The following FCSK variants were observed in gnomAD, a reference collection of about 807,000 sequenced individuals.
The protein encoded by FCSK is L-fucose kinase.
FCSK carries 123 observed loss-of-function variants against 122.5 expected under a neutral mutation model. That is an observed-to-expected ratio of 1.00 (90% CI 0.87 to 1.17). The LOEUF is 1.17. Among genes scored for constraint, FCSK ranks in the 50% most tolerant of loss-of-function variants. The pLI is 0.00. For synonymous variants in FCSK, 620 were observed against 625.5 expected, an observed-to-expected ratio of 0.99 and a Z score of 0.13; for missense variants, 1,366 against 1,450.4, an observed-to-expected ratio of 0.94 and a Z score of 0.95.
rs2048026498 is a variant in FCSK, at chr16:70,454,621, G to A, written c.-32G>A. 6.6e-6 allele frequency: 1 copy of A among 152,096 alleles called. No individual in the cohort carries two copies. Among genetic ancestry groups the A allele is most frequent in the Non-Finnish European group, 1.5e-5 (1 of 68,032 alleles). The allele number at this position is 152,096 out of a possible 1,614,324, so 9.4% of individuals were successfully genotyped here. ...AAGAGCCCGCTCCGCCGAGCGCCGG[G>A]CGACGGCAGGTACGTCAGTCCGCGA... On this transcript the variant is annotated 5_prime_UTR_variant, in exon 1 of 24. Coordinates refer to ENST00000288078, the MANE Select transcript of FCSK (RefSeq NM_145059.3).
chr16:70,474,337 C>G lies in FCSK; in HGVS notation c.1986C>G (p.Ser662Arg). The change falls in exon 16 of 24, where the codon AGC becomes AGG. Residue 662 changes from serine to arginine, a missense_variant and splice_region_variant. Transcript: ENST00000288078. ...ALAQERDKWL[S>R]RPALLVRAAR... is the part of the protein sequence containing the mutation. ...CCCAGGAGAGGGACAAGTGGCTAAGCAGGTGTGTACTAATGGAGGTCAGAT... is the reference window on the plus strand; with the variant it reads ...CCCAGGAGAGGGACAAGTGGCTAAGGAGGTGTGTACTAATGGAGGTCAGAT... 1 of 1,612,912 alleles carries G rather than the reference C, an allele frequency of 6.2e-7. No homozygotes were observed. The highest frequency in any genetic ancestry group is 8.5e-7 in the Non-Finnish European group (1 of 1,179,748).
Position 70,475,475 on chromosome 16 carries a change from C to G in FCSK, c.2503C>G (p.Pro835Ala). 1 of 1,604,288 alleles carries G rather than the reference C, an allele frequency of 6.2e-7. No individual in the cohort carries two copies. The highest frequency in any genetic ancestry group is 8.5e-7 in the Non-Finnish European group (1 of 1,178,854). The change falls in exon 19 of 24, where the codon CCC (proline) becomes GCC (alanine). Residue 835 changes from proline to alanine, a missense_variant. Coordinates refer to ENST00000288078, the MANE Select transcript of FCSK (RefSeq NM_145059.3). Reference sequence around the variant, plus strand: ...TGAGCTGCACACCTGGTCTGAGCTGCCCCACGGCTCTGGCCTGGGTGAGCG... The same window carrying G: ...TGAGCTGCACACCTGGTCTGAGCTGGCCCACGGCTCTGGCCTGGGTGAGCG... Reference protein sequence around the residue: ...GFELHTWSELPHGSGLGTSSI... With the variant: ...GFELHTWSELAHGSGLGTSSI...
intron 16 of FCSK, 41 bp from the exon 17 acceptor site, chr16:70,474,487 T>C (rs1240469329): frequency 6.5e-7 from 1 of 1,546,588 alleles, no homozygotes. Flanking sequence ...TGCCCCCAGC[T>C]TGGGGCTGCA....
rs2151706346 is a variant in FCSK, at chr16:70,463,725, A to G, written c.185A>G (p.Asn62Ser). 3 of 1,612,526 alleles carry G rather than the reference A, an allele frequency of 1.9e-6. No individual in the cohort carries two copies. Among genetic ancestry groups the G allele is most frequent in the East Asian group, 4.5e-5 (2 of 44,866 alleles). ...KRVGSGGATL[N>S]ALLVAAEHLS... ...GTGGGCAGCGGAGGAGCCACCCTCA[A>G]CGCCCTGCTGGTGGCTGCTGAACAC... The change falls in exon 3 of 24, where the codon AAC becomes AGC. Residue 62 changes from asparagine to serine, a missense_variant. Asn to Ser is a conservative substitution (Grantham distance 46). Transcript: ENST00000288078.
At position 70,471,299 on chromosome 16, in the gene FCSK, C is replaced by T; in HGVS notation, c.1288C>T (p.His430Tyr). ...CCTGCAGGGACACCACACGCGGCTACACGGCTCCCCGGGCCACGCCTTCAC... is the reference window on the plus strand; with the variant it reads ...CCTGCAGGGACACCACACGCGGCTATACGGCTCCCCGGGCCACGCCTTCAC... ...LVLQGHHTRL[H>Y]GSPGHAFTLV... Residue 430 changes from histidine to tyrosine, a missense_variant, in exon 13 of 24, where the codon CAC (histidine) becomes TAC (tyrosine). Transcript: ENST00000288078. 1 of 1,603,938 alleles carries T rather than the reference C, an allele frequency of 6.2e-7. No homozygotes were observed. Among genetic ancestry groups the T allele is most frequent in the Non-Finnish European group, 8.5e-7 (1 of 1,175,846 alleles).
chr16:70,458,294 G>T (rs1254537027), intron 1 of FCSK, among the ~76,000 whole-genome samples: 2 of 151,026 alleles, frequency 1.3e-5, no homozygotes, highest in Non-Finnish European at 2.9e-5. Context: ...TGAGTAGCTG[G>T]GATTACAGGC....
intron 20 of FCSK, 157 bp downstream of exon 20, chr16:70,475,924 T>A: frequency 1.3e-6 from 1 of 768,988 alleles, no homozygotes; most frequent in Non-Finnish European, 1.9e-6. Flanking sequence ...TGACCTTCTC[T>A]GGTCGTTTTC....
intron 1 of FCSK, 51 bp downstream of exon 1, chr16:70,454,681 C>CT (rs1567687702): frequency 2.6e-5 from 4 of 152,168 alleles, no homozygotes; most frequent in African/African-American, 9.7e-5. Context: ...CCCTTGCGCC[C>CT]CTTGCGCCCC....
chr16:70,474,238 T>G lies in FCSK; in HGVS notation c.1887T>G (p.Ala629=), dbSNP rs925942661. Residue 629 remains alanine, a synonymous_variant, in exon 16 of 24, where the codon GCT becomes GCG. Transcript: ENST00000288078. ...GTGGGGGCTTGCGGAGCGGGCCAGC[T>G]GCCAACCCTGAGTGGATGCGGCCCT... ...EGRGGLRSGP[A]ANPEWMRPFS... 9 of 1,609,162 alleles carry G rather than the reference T, an allele frequency of 5.6e-6. No individual in the cohort carries two copies. Among genetic ancestry groups the G allele is most frequent in the Non-Finnish European group, 7.6e-6 (9 of 1,178,488 alleles).
At chr16:70,474,412 A>G (rs2151725852) in intron 16 of FCSK, 73 bp downstream of exon 16, 4 of 1,563,036 alleles carry the variant, frequency 2.6e-6, no homozygotes, top group South Asian at 1.2e-5. Flanking sequence ...GATGGAGGAA[A>G]CCCAGAGAGA....
chr16:70,466,994 A>G, intron 6 of FCSK, 40 bp downstream of exon 6: 1 of 1,585,026 alleles, frequency 6.3e-7, no homozygotes, highest in East Asian at 2.2e-5. Flanking sequence ...CCTTCGTCAC[A>G]GCCACAGCAA....
At chr16:70,455,466 CAG>C (rs749672607) in intron 1 of FCSK, among the ~76,000 whole-genome samples, 3 of 150,650 alleles carry the variant, frequency 2.0e-5, no homozygotes, top group African/African-American at 7.3e-5. Context: ...CCCTGGGCGA[CAG>C]AGCGAGACTA....
intron 20 of FCSK, chr16:70,477,979 G>A (rs1014342641): frequency 1.5e-4 from 58 of 375,220 alleles, no homozygotes; most frequent in Non-Finnish European, 2.3e-4. Flanking sequence ...CACCGTGCCC[G>A]GCCATAGTGT....
intron 1 of FCSK, among the ~76,000 whole-genome samples, chr16:70,460,104 C>CTTTTTTTTTT (rs564125150): frequency 7.9e-6 from 1 of 126,496 alleles, no homozygotes; most frequent in Non-Finnish European, 1.6e-5. Context: ...CGTCTAGCCT[C>CTTTTTTTTTT]TTTTTTTTTT....
At chr16:70,457,539 G>A (rs996474871) in intron 1 of FCSK, among the ~76,000 whole-genome samples, 1 of 152,056 alleles carries the variant, frequency 6.6e-6, no homozygotes, top group African/African-American at 2.4e-5. Flanking sequence ...CCGGATGTGA[G>A]CTACCACATC....
rs1486968854 is a variant in FCSK at position 70,474,787 on chromosome 16, TA to T, written c.2156-2del. On this transcript the variant is annotated splice_acceptor_variant, in intron 17 of 23. Coordinates refer to ENST00000288078, the MANE Select transcript of FCSK (RefSeq NM_145059.3). LOFTEE classifies it high-confidence loss of function. ...CAGCTTGAGTCTTGCCACACTGCCATAGGGGGCTGGAGTGACACGCCACCCC... is the reference window on the plus strand; with the variant it reads ...CAGCTTGAGTCTTGCCACACTGCCATGGGGGCTGGAGTGACACGCCACCCC... The T allele has an allele frequency of 1.3e-6, 2 of 1,567,770 alleles. No individual in the cohort carries two copies. Among genetic ancestry groups the T allele is most frequent in the East Asian group, 2.3e-5 (1 of 42,572 alleles).
chr16:70,475,830 G>C (rs1273533841), intron 20 of FCSK, 63 bp downstream of exon 20: 2 of 1,464,170 alleles, frequency 1.4e-6, no homozygotes, highest in Non-Finnish European at 1.8e-6. Flanking sequence ...CGCGGGGGGA[G>C]TGGGGCTCCC....
chr16:70,479,530 A>T, intron 23 of FCSK, 49 bp from the exon 24 acceptor site: 1 of 1,563,770 alleles, frequency 6.4e-7, no homozygotes, highest in Non-Finnish European at 8.8e-7. Context: ...AGCCTCCAGA[A>T]GGCCTGAGAT....
In FCSK at chr16:70,471,193, C is replaced by T. The variant is rs762171290; in HGVS notation, c.1182C>T (p.His394=). The T allele has an allele frequency of 6.9e-6, 11 of 1,604,372 alleles. No homozygotes were observed. The highest frequency in any genetic ancestry group is 8.5e-6 in the Non-Finnish European group (10 of 1,174,360). The part of the protein sequence containing the change: ...LQHCHLQGPI[H]IGAGCLVTGL... ...CTGTCCCCCACCAGGGCCCCATTCA[C>T]ATAGGCGCTGGCTGCTTGGTGACTG... The change falls in exon 13 of 24, where the codon CAC becomes CAT. Residue 394 remains histidine, a synonymous_variant. Coordinates refer to ENST00000288078, the MANE Select transcript of FCSK (RefSeq NM_145059.3).
Sources: gnomAD v4.1 joint callset for allele counts (sites outside exome capture counted in the v4.1 genomes callset) on GRCh38, gnomAD v4.1.1 for gene constraint, MANE v1.5 for transcripts, NCBI Gene and HGNC (gene_info 2026-07-23, HGNC 2026-07-21) for gene names.